Variants in ROBO1 observed in about 807,000 individuals in gnomAD.
The protein encoded by ROBO1 is roundabout homolog 1.
ROBO1 carries 149 observed loss-of-function variants against 195.9 expected under a neutral mutation model. The ratio of observed to expected loss-of-function variants is 0.76; its 90% CI spans 0.67 to 0.87. ROBO1 has a LOEUF of 0.87. Among genes scored for constraint, ROBO1 ranks in the 40% least tolerant of loss-of-function variants. ROBO1 has a pLI of 0.00. For synonymous variants in ROBO1, 816 were observed against 733.2 expected, an observed-to-expected ratio of 1.11 and a Z score of -1.82; for missense variants, 1,933 against 2,068.3, an observed-to-expected ratio of 0.93 and a Z score of 1.27.
chr3:79,654,989 G>T (rs909085649), intron 1 of ROBO1, among the ~76,000 whole-genome samples: 2 of 151,912 alleles, frequency 1.3e-5, no homozygotes, highest in African/African-American at 4.8e-5. Flanking sequence ...TGGGAAGTGG[G>T]ATTGGTATTT....
At chr3:79,449,279 G>T (rs1296856882) in intron 2 of ROBO1, among the ~76,000 whole-genome samples, 2 of 151,800 alleles carry the variant, frequency 1.3e-5, no homozygotes, top group East Asian at 3.9e-4. Context: ...TATGTGTAGG[G>T]AGCTCCTCAG....
intron 29 of ROBO1, among the ~76,000 whole-genome samples, chr3:78,606,153 C>G (rs1370942217): frequency 1.3e-5 from 2 of 152,206 alleles, no homozygotes; most frequent in Admixed American, 1.3e-4. Context: ...TCAAACCCTT[C>G]AGAATAGTAT....
chr3:78,779,861 C>A (rs1357173032), intron 4 of ROBO1, among the ~76,000 whole-genome samples: 1 of 152,114 alleles, frequency 6.6e-6, no homozygotes, highest in African/African-American at 2.4e-5. Flanking sequence ...AACCCAGATG[C>A]CCATCAATGA....
chr3:79,751,790 A>G (rs2107478250), intron 1 of ROBO1, among the ~76,000 whole-genome samples: 1 of 152,346 alleles, frequency 6.6e-6, no homozygotes. Context: ...TCATAGGATC[A>G]TTAATGATTA....
In ROBO1 at chr3:78,826,521, A is replaced by G. The variant is rs577953931; in HGVS notation, c.500-79621T>C. On this transcript the variant is annotated intron_variant, in intron 4 of 30. Coordinates refer to ENST00000464233, the MANE Select transcript of ROBO1 (RefSeq NM_002941.4). ...AGAGGCATAAGCATTTGCTTAGTGT[A>G]CAAGGCGAGAGATGGTTGCATAAAA... Among the ~76,000 whole-genome samples, 104 of 152,306 alleles carry G rather than the reference A, an allele frequency of 6.8e-4. 2 individuals are homozygous for G. The highest frequency in any genetic ancestry group is 6.7e-3 in the Admixed American group (102 of 15,298).
chr3:78,861,267 T>G (rs2034819355), intron 4 of ROBO1, among the ~76,000 whole-genome samples: 1 of 152,154 alleles, frequency 6.6e-6, no homozygotes. Flanking sequence ...ATATCTTGAC[T>G]CTACATTTAC....
chr3:79,621,562 C>T (rs754014334), intron 1 of ROBO1, among the ~76,000 whole-genome samples: 29 of 152,290 alleles, frequency 1.9e-4, no homozygotes, highest in Middle Eastern at 3.4e-3. Flanking sequence ...TAACAGCGGA[C>T]TTCTGAGTAG....
At chr3:79,283,328 A>G (rs1300735832) in intron 2 of ROBO1, among the ~76,000 whole-genome samples, 2 of 152,212 alleles carry the variant, frequency 1.3e-5, no homozygotes, top group South Asian at 4.1e-4. Context: ...ATCATGCAAT[A>G]TACCCAGGTA....
chr3:79,210,328 C>T (rs944063736), intron 2 of ROBO1, among the ~76,000 whole-genome samples: 2 of 152,144 alleles, frequency 1.3e-5, no homozygotes, highest in Non-Finnish European at 2.9e-5. Flanking sequence ...GGCACACAGA[C>T]CAATGGAACA....
chr3:78,620,982 C>T (rs1217814741), intron 26 of ROBO1, among the ~76,000 whole-genome samples: 1 of 150,130 alleles, frequency 6.7e-6, no homozygotes, highest in African/African-American at 2.5e-5. Context: ...TAATATATTA[C>T]ATTGAAAAAG....
chr3:79,084,141 A>G (rs914690668), intron 3 of ROBO1, among the ~76,000 whole-genome samples: 1 of 152,138 alleles, frequency 6.6e-6, no homozygotes, highest in Non-Finnish European at 1.5e-5. Flanking sequence ...GACTTTATCA[A>G]TTTAGTTTTT....
At chr3:79,443,581 G>C (rs1049321610) in intron 2 of ROBO1, among the ~76,000 whole-genome samples, 4 of 151,920 alleles carry the variant, frequency 2.6e-5, no homozygotes, top group African/African-American at 4.8e-5. Flanking sequence ...AGCACTTTTT[G>C]TTAAAACAAC....
intron 1 of ROBO1, among the ~76,000 whole-genome samples, chr3:79,696,355 AAATAT>A (rs1158409664): frequency 1.3e-5 from 2 of 150,966 alleles, no homozygotes; most frequent in Non-Finnish European, 3.0e-5. Flanking sequence ...GTTGCTTATT[AAATAT>A]AACTAATAAA....
In ROBO1 at chr3:79,262,296, C is replaced by T. The variant is rs549607234; in HGVS notation, c.89-136757G>A. 2.6e-5 allele frequency among the ~76,000 whole-genome samples: 4 copies of T among 152,128 alleles called. No homozygotes were observed. The South Asian group carries it at 8.3e-4, about 32-fold the overall frequency. On this transcript the variant is annotated intron_variant, in intron 2 of 30. Coordinates refer to ENST00000464233, the MANE Select transcript of ROBO1 (RefSeq NM_002941.4). ...ATGGGGGCTCTTCACTTTGGCTTCA[C>T]TTTCTCATCGATTCTCTCTCCAAGC...
intron 3 of ROBO1, among the ~76,000 whole-genome samples, chr3:78,965,059 AC>A (rs750086875): frequency 9.2e-5 from 14 of 151,992 alleles, no homozygotes; most frequent in Admixed American, 4.6e-4. Context: ...ATTTTTATAA[AC>A]CAACTTGAGG....
At chr3:79,114,557 G>A (rs367729483) in intron 3 of ROBO1, among the ~76,000 whole-genome samples, 7 of 152,040 alleles carry the variant, frequency 4.6e-5, no homozygotes, top group East Asian at 3.9e-4. Flanking sequence ...AGATCTTGGT[G>A]AGCAGTAAGC....
chr3:79,508,479 C>CTAACATAT (rs772997517), intron 2 of ROBO1, among the ~76,000 whole-genome samples: 6 of 152,084 alleles, frequency 3.9e-5, no homozygotes, highest in Non-Finnish European at 2.9e-5. Flanking sequence ...TATGGCAGAC[C>CTAACATAT]TAGCAAACTA....
chr3:79,729,605 A>AT (rs1407184735), intron 1 of ROBO1, among the ~76,000 whole-genome samples: 1 of 152,084 alleles, frequency 6.6e-6, no homozygotes, highest in Non-Finnish European at 1.5e-5. Context: ...CAATTGCTGT[A>AT]TTTTTCTCAT....
chr3:79,149,513 TTTGTTGTTGTTG>T (rs4068910), intron 2 of ROBO1, among the ~76,000 whole-genome samples: 5 of 149,248 alleles, frequency 3.4e-5, no homozygotes, highest in South Asian at 2.1e-4. Context: ...TCGAACTGTG[TTTGTTGTTGTTG>T]TTGTTGTTGT....
Sources: allele counts gnomAD v4.1 joint callset (sites outside exome capture counted in the v4.1 genomes callset), GRCh38; gene constraint gnomAD v4.1.1; transcripts MANE v1.5; gene names NCBI Gene and HGNC (gene_info 2026-07-23, HGNC 2026-07-21).